UBE2H: variants seen among roughly 807,000 people sequenced by gnomAD.
UBE2H encodes ubiquitin conjugating enzyme E2 H.
Under a neutral mutation model 29.0 loss-of-function variants are expected in UBE2H, and 3 were observed. The observed-to-expected ratio is 0.10, with a 90% CI of 0.05 to 0.27. The LOEUF (loss-of-function observed/expected upper bound fraction) is 0.27. UBE2H is among the 10% of genes least tolerant of loss of function. UBE2H has a pLI of 1.00. For synonymous variants in UBE2H, 69 were observed against 82.9 expected (o/e 0.83, Z 0.91); for missense variants, 68 against 228.2 (o/e 0.30, Z 4.52).
At chr7:129,858,172 C>T (rs529085874) in intron 4 of UBE2H, among the ~76,000 whole-genome samples, 10 of 152,056 alleles carry the variant, frequency 6.6e-5, no homozygotes, top group Non-Finnish European at 1.3e-4. Context: ...ATTGCATTAA[C>T]GTTAAATTCC....
chr7:129,944,001 G>C (rs932612130), intron 1 of UBE2H, among the ~76,000 whole-genome samples: 1 of 152,072 alleles, frequency 6.6e-6, no homozygotes, highest in African/African-American at 2.4e-5. Flanking sequence ...TATAAAATAA[G>C]GTTAATAATA....
chr7:129,831,539 G>T lies in UBE2H; in HGVS notation c.*3398C>A, dbSNP rs1490118213. The stretch of plus-strand genomic sequence containing the variant: ...GGAGGGAAAAATTCCTTTGAGAGGA[G>T]ACATTCCTCAGGAGCTTAGATCAGC... On this transcript the variant is annotated 3_prime_UTR_variant, in exon 7 of 7. Coordinates refer to ENST00000355621, the MANE Select transcript of UBE2H (RefSeq NM_003344.4). 6.6e-6 allele frequency: 1 copy of T among 152,246 alleles called. No homozygotes were observed. The highest frequency in any genetic ancestry group is 1.5e-5 in the Non-Finnish European group (1 of 68,076). 9.4% of individuals were successfully genotyped at this position (152,246 alleles called of 1,614,324 possible).
intron 1 of UBE2H, among the ~76,000 whole-genome samples, chr7:129,889,185 G>GC (rs1806424768): frequency 6.6e-6 from 1 of 152,230 alleles, no homozygotes; most frequent in Admixed American, 6.5e-5. Flanking sequence ...CATGCACAGT[G>GC]CATCTACCTG....
At chr7:129,916,438 AAAAG>A (rs1220333763) in intron 1 of UBE2H, among the ~76,000 whole-genome samples, 6 of 151,012 alleles carry the variant, frequency 4.0e-5, no homozygotes, top group African/African-American at 9.7e-5. Flanking sequence ...TAAAAAAAAA[AAAAG>A]AAGCCATTTA....
Position 129,952,608 on chromosome 7 carries a change from G to T in UBE2H, c.-53C>A. On this transcript the variant is annotated 5_prime_UTR_variant, in exon 1 of 7. Transcript: ENST00000355621. ...TCGGCCCGTCTGTCACGGGCCCGGG[G>T]CCCCGGCTCTGAGGAGCCCGCGGCC... is the stretch of plus-strand genomic sequence containing the variant. 6.3e-7 allele frequency: 1 copy of T among 1,598,914 alleles called. No homozygotes were observed.
chr7:129,906,212 CT>C (rs368590267), intron 1 of UBE2H, among the ~76,000 whole-genome samples: 1,610 of 142,902 alleles, frequency 0.011, 12 homozygotes, highest in Non-Finnish European at 0.016. Context: ...TTTTTTCTTT[CT>C]TTTTTTTTTT....
intron 1 of UBE2H, among the ~76,000 whole-genome samples, chr7:129,940,113 GTATC>G (rs1447987632): frequency 6.6e-6 from 1 of 152,062 alleles, no homozygotes; most frequent in Non-Finnish European, 1.5e-5. Context: ...CACGCACTCT[GTATC>G]TAGTTTTCTA....
At chr7:129,925,945 A>G (rs906274484) in intron 1 of UBE2H, among the ~76,000 whole-genome samples, 1 of 152,190 alleles carries the variant, frequency 6.6e-6, no homozygotes, top group African/African-American at 2.4e-5. Context: ...CCAGCCAACT[A>G]CAATTCCTAA....
intron 3 of UBE2H, among the ~76,000 whole-genome samples, chr7:129,875,192 T>C (rs185137505): frequency 6.6e-6 from 1 of 152,332 alleles, no homozygotes; most frequent in Admixed American, 6.5e-5. Flanking sequence ...AAAAGTATGT[T>C]TTTAGTCTCC....
At chr7:129,945,101 A>G (rs1049455863) in intron 1 of UBE2H, among the ~76,000 whole-genome samples, 1 of 152,068 alleles carries the variant, frequency 6.6e-6, no homozygotes. Context: ...AATGAGATCA[A>G]TGGTTGGAAG....
At chr7:129,855,620 G>A (rs376312328) in intron 5 of UBE2H, among the ~76,000 whole-genome samples, 18 of 152,314 alleles carry the variant, frequency 1.2e-4, no homozygotes, top group African/African-American at 3.8e-4. Context: ...TCACGTGTGC[G>A]TGTGCGTGTG....
intron 1 of UBE2H, among the ~76,000 whole-genome samples, chr7:129,906,193 A>G (rs962704184): frequency 4.6e-5 from 7 of 151,032 alleles, no homozygotes; most frequent in African/African-American, 1.7e-4. Flanking sequence ...ACCCCGAGTA[A>G]AGCCATTTTT....
chr7:129,872,878 A>C (rs1190069091), intron 3 of UBE2H, among the ~76,000 whole-genome samples: 2 of 139,934 alleles, frequency 1.4e-5, no homozygotes, highest in East Asian at 2.2e-4. Context: ...AAAAAGAATT[A>C]TGGCACACTG....
At chr7:129,860,180 CAG>C (rs1325530318) in intron 3 of UBE2H, among the ~76,000 whole-genome samples, 3 of 152,252 alleles carry the variant, frequency 2.0e-5, no homozygotes, top group South Asian at 4.1e-4. Context: ...AAGTAGAAAA[CAG>C]GGGATAAGAA....
chr7:129,896,356 T>C (rs2116410790), intron 1 of UBE2H, among the ~76,000 whole-genome samples: 1 of 152,152 alleles, frequency 6.6e-6, no homozygotes, highest in East Asian at 1.9e-4. Context: ...ACAAAATCTT[T>C]AAGAACACTG....
intron 1 of UBE2H, among the ~76,000 whole-genome samples, chr7:129,882,458 C>T (rs773728232): frequency 6.6e-6 from 1 of 152,140 alleles, no homozygotes; most frequent in East Asian, 1.9e-4. Flanking sequence ...ACTCCAAGCC[C>T]GTGTCCAATG....
At chr7:129,939,815 CG>C in intron 1 of UBE2H, among the ~76,000 whole-genome samples, 1 of 151,972 alleles carries the variant, frequency 6.6e-6, no homozygotes, top group Admixed American at 6.6e-5. Context: ...AAAAATTAGC[CG>C]GGCATGGTGG....
At chr7:129,869,261 G>A (rs1260963475) in intron 3 of UBE2H, among the ~76,000 whole-genome samples, 1 of 151,860 alleles carries the variant, frequency 6.6e-6, no homozygotes, top group African/African-American at 2.4e-5. Context: ...TCTCCTCAGT[G>A]ACCTTCTATT....
intron 1 of UBE2H, among the ~76,000 whole-genome samples, chr7:129,910,700 G>A (rs535112375): frequency 4.1e-4 from 63 of 151,968 alleles, no homozygotes; most frequent in Non-Finnish European, 7.6e-4. Flanking sequence ...TGGACAACAC[G>A]GTGAAACCCC....
Sources: gnomAD v4.1 joint callset for allele counts (sites outside exome capture counted in the v4.1 genomes callset) on GRCh38, gnomAD v4.1.1 for gene constraint, MANE v1.5 for transcripts, NCBI Gene and HGNC (gene_info 2026-07-23, HGNC 2026-07-21) for gene names.